The following DPP10 variants were observed in gnomAD, a reference collection of about 807,000 sequenced individuals.
DPP10 encodes dipeptidyl peptidase like 10, also known as inactive dipeptidyl peptidase 10.
Under a neutral mutation model 120.9 loss-of-function variants are expected in DPP10, and 33 were observed. The ratio of observed to expected loss-of-function variants is 0.27; its 90% CI spans 0.21 to 0.37. DPP10 has a LOEUF of 0.37. Ranked by LOEUF, DPP10 falls within the 10% of genes least tolerant of loss-of-function variation. The pLI, the probability that DPP10 is intolerant of heterozygous loss-of-function variation, is 1.00. For synonymous variants in DPP10, 337 were observed against 326.1 expected, an observed-to-expected ratio of 1.03 and a Z score of -0.36; for missense variants, 816 against 942.8, an observed-to-expected ratio of 0.87 and a Z score of 1.76.
intron 1 of DPP10, among the ~76,000 whole-genome samples, chr2:114,579,210 C>T (rs182547262): frequency 2.0e-5 from 3 of 152,174 alleles, no homozygotes; most frequent in Non-Finnish European, 4.4e-5. Flanking sequence ...CAGTACTTTG[C>T]AATTTTGAGG....
intron 5 of DPP10, among the ~76,000 whole-genome samples, chr2:115,603,971 G>A (rs1440304863): frequency 6.6e-6 from 1 of 152,084 alleles, no homozygotes; most frequent in Non-Finnish European, 1.5e-5. Flanking sequence ...AACAGAACAT[G>A]TGTTATAGAG....
At position 115,842,427 on chromosome 2, in the gene DPP10, C is replaced by A; in HGVS notation, c.*82C>A. The A allele has an allele frequency of 6.7e-7, 1 of 1,497,670 alleles. No homozygotes were observed. The highest frequency in any genetic ancestry group is 9.0e-7 in the Non-Finnish European group (1 of 1,112,078). The allele number at this position is 1,497,670 out of a possible 1,614,324, so 92.8% of individuals were successfully genotyped here. ...AGAGACTGTAATATTGTAGTTGCTC[C>A]AGAATGTCAAGGGCAGCTTACGGAG... On this transcript the variant is annotated 3_prime_UTR_variant, in exon 26 of 26. Coordinates refer to ENST00000410059, the MANE Select transcript of DPP10 (RefSeq NM_020868.6).
chr2:114,858,029 G>A (rs917063522), intron 1 of DPP10, among the ~76,000 whole-genome samples: 8 of 152,090 alleles, frequency 5.3e-5, no homozygotes, highest in Non-Finnish European at 7.4e-5. Context: ...TTGCTCTGTC[G>A]CCCAGGCTGG....
chr2:115,411,331 CAAAAA>C (rs921002278), intron 3 of DPP10, among the ~76,000 whole-genome samples: 2 of 147,430 alleles, frequency 1.4e-5, no homozygotes, highest in Admixed American at 1.4e-4. Context: ...GACTCCGTCT[CAAAAA>C]AAAAGGAGAG....
At chr2:115,300,460 A>G (rs1452560561) in intron 1 of DPP10, among the ~76,000 whole-genome samples, 1 of 152,028 alleles carries the variant, frequency 6.6e-6, no homozygotes, top group African/African-American at 2.4e-5. Flanking sequence ...CATACACACA[A>G]CATTTTGTTA....
chr2:115,601,827 C>A (rs1191477440), intron 5 of DPP10, among the ~76,000 whole-genome samples: 1 of 146,712 alleles, frequency 6.8e-6, no homozygotes, highest in Non-Finnish European at 1.5e-5. Context: ...GTACGCACAA[C>A]CATGCCTGGC....
At chr2:114,616,616 A>G (rs1400500860) in intron 1 of DPP10, among the ~76,000 whole-genome samples, 2 of 152,136 alleles carry the variant, frequency 1.3e-5, no homozygotes, top group South Asian at 2.1e-4. Context: ...CTGTTTGCTC[A>G]CAACATTATC....
intron 1 of DPP10, among the ~76,000 whole-genome samples, chr2:114,548,020 C>T (rs1444879249): frequency 6.6e-6 from 1 of 152,048 alleles, no homozygotes; most frequent in Non-Finnish European, 1.5e-5. Flanking sequence ...TGACGTGGTC[C>T]CTGGAGGCCA....
intron 1 of DPP10, among the ~76,000 whole-genome samples, chr2:114,599,283 T>C (rs1374644253): frequency 6.6e-6 from 1 of 151,920 alleles, no homozygotes; most frequent in Non-Finnish European, 1.5e-5. Flanking sequence ...TTTACATTTC[T>C]GTGGGTTTTG....
At chr2:114,625,146 G>T (rs889433385) in intron 1 of DPP10, among the ~76,000 whole-genome samples, 1 of 151,944 alleles carries the variant, frequency 6.6e-6, no homozygotes, top group African/African-American at 2.4e-5. Flanking sequence ...CATTGCTAAA[G>T]TCTTTCTTGA....
chr2:115,330,912 CT>C (rs539223462), intron 2 of DPP10, among the ~76,000 whole-genome samples: 1 of 151,978 alleles, frequency 6.6e-6, no homozygotes, highest in African/African-American at 2.4e-5. Context: ...AATGTGGGCT[CT>C]TTTTTGGTTC....
intron 3 of DPP10, among the ~76,000 whole-genome samples, chr2:115,420,350 G>T (rs1029585473): frequency 1.3e-5 from 2 of 152,128 alleles, no homozygotes; most frequent in African/African-American, 2.4e-5. Flanking sequence ...GTATAAACAA[G>T]CATGCTTGCA....
At chr2:115,254,521 A>G (rs916025794) in intron 1 of DPP10, among the ~76,000 whole-genome samples, 1 of 152,234 alleles carries the variant, frequency 6.6e-6, no homozygotes, top group African/African-American at 2.4e-5. Context: ...ACGCCCTTCC[A>G]ACAGTCCCGC....
chr2:114,662,204 G>A (rs1697464270), intron 1 of DPP10, among the ~76,000 whole-genome samples: 1 of 152,186 alleles, frequency 6.6e-6, no homozygotes, highest in South Asian at 2.1e-4. Context: ...AGCGAGAGGC[G>A]GAGGTCGCAC....
intron 1 of DPP10, among the ~76,000 whole-genome samples, chr2:115,033,430 TA>T (rs1302964300): frequency 2.6e-5 from 4 of 152,142 alleles, no homozygotes; most frequent in Non-Finnish European, 5.9e-5. Context: ...AGCCATATAT[TA>T]AAGCTTTTAT....
At chr2:115,524,146 G>A (rs373652671) in intron 4 of DPP10, among the ~76,000 whole-genome samples, 6 of 151,906 alleles carry the variant, frequency 3.9e-5, no homozygotes, top group African/African-American at 4.8e-5. Flanking sequence ...AATTCAATAC[G>A]GAGACTAATT....
intron 1 of DPP10, among the ~76,000 whole-genome samples, chr2:114,819,896 T>C (rs1685949739): frequency 6.6e-6 from 1 of 152,316 alleles, no homozygotes; most frequent in African/African-American, 2.4e-5. Context: ...TAGGAGAGGA[T>C]TAATGTACGG....
intron 1 of DPP10, among the ~76,000 whole-genome samples, chr2:114,943,914 G>A (rs1268051251): frequency 6.6e-6 from 1 of 152,092 alleles, no homozygotes; most frequent in Non-Finnish European, 1.5e-5. Context: ...TTATAGCACC[G>A]TGTTTTCTTA....
chr2:115,021,415 A>G (rs1703065185), intron 1 of DPP10, among the ~76,000 whole-genome samples: 1 of 152,172 alleles, frequency 6.6e-6, no homozygotes, highest in South Asian at 2.1e-4. Flanking sequence ...TGGAAAACCT[A>G]GAGAAGATGA....
Sources: gnomAD v4.1 joint callset for allele counts (sites outside exome capture counted in the v4.1 genomes callset) on GRCh38, gnomAD v4.1.1 for gene constraint, MANE v1.5 for transcripts, NCBI Gene and HGNC (gene_info 2026-07-23, HGNC 2026-07-21) for gene names.